Variants in APP observed in about 807,000 individuals in gnomAD.
The protein encoded by APP is amyloid-beta precursor protein.
APP carries 31 observed loss-of-function variants against 101.4 expected under a neutral mutation model. The observed-to-expected ratio is 0.31, with a 90% CI of 0.23 to 0.41. The LOEUF is 0.41. Ranked by LOEUF, APP falls within the 10% of genes least tolerant of loss-of-function variation. The pLI, the probability that APP is intolerant of heterozygous loss-of-function variation, is 1.00. For synonymous variants in APP, 366 were observed against 364.4 expected (o/e 1.00, Z -0.05); for missense variants, 839 against 1,003.7 (o/e 0.84, Z 2.22).
At chr21:26,134,484 A>G (rs2062855318) in intron 1 of APP, among the ~76,000 whole-genome samples, 1 of 152,194 alleles carries the variant, frequency 6.6e-6, no homozygotes, top group Admixed American at 6.5e-5. Flanking sequence ...AGGATATTAC[A>G]AAGGACACAC....
intron 8 of APP, among the ~76,000 whole-genome samples, chr21:25,987,963 T>G (rs1300473410): frequency 1.3e-5 from 2 of 152,084 alleles, no homozygotes; most frequent in East Asian, 3.9e-4. Flanking sequence ...TGTTAATATG[T>G]GATTTGTATT....
chr21:26,095,215 G>C (rs917533219), intron 2 of APP, among the ~76,000 whole-genome samples: 8 of 152,282 alleles, frequency 5.3e-5, no homozygotes, highest in Admixed American at 4.6e-4. Flanking sequence ...CTGGCCTCAA[G>C]AGATCCTCCT....
intron 15 of APP, among the ~76,000 whole-genome samples, chr21:25,899,090 G>A (rs192788801): frequency 4.2e-4 from 64 of 152,266 alleles, no homozygotes; most frequent in Admixed American, 2.2e-3. Context: ...TATTTGAAAA[G>A]AGACCCACAA....
At chr21:25,959,295 T>C (rs1313103774) in intron 11 of APP, among the ~76,000 whole-genome samples, 2 of 152,060 alleles carry the variant, frequency 1.3e-5, no homozygotes, top group African/African-American at 4.8e-5. Context: ...TAGCAAGGCA[T>C]GGTGGTGGGC....
chr21:26,142,262 T>C (rs1212232480), intron 1 of APP, among the ~76,000 whole-genome samples: 2 of 152,132 alleles, frequency 1.3e-5, no homozygotes, highest in Non-Finnish European at 2.9e-5. Flanking sequence ...TCTGAGCATG[T>C]TGTGGAACCA....
At chr21:26,055,850 T>C (rs905971291) in intron 3 of APP, among the ~76,000 whole-genome samples, 1 of 151,448 alleles carries the variant, frequency 6.6e-6, no homozygotes, top group Admixed American at 6.6e-5. Flanking sequence ...AGGTATCAGA[T>C]ACACTCGACC....
intron 1 of APP, among the ~76,000 whole-genome samples, chr21:26,149,329 C>A (rs1022071321): frequency 6.6e-6 from 1 of 152,204 alleles, no homozygotes; most frequent in Non-Finnish European, 1.5e-5. Flanking sequence ...ACAGTAGGTA[C>A]CTCACAGGCT....
intron 1 of APP, among the ~76,000 whole-genome samples, chr21:26,154,524 C>A (rs1040166173): frequency 6.6e-6 from 1 of 152,110 alleles, no homozygotes; most frequent in African/African-American, 2.4e-5. Flanking sequence ...TTCATCCTAC[C>A]CCACAAGTTT....
intron 13 of APP, among the ~76,000 whole-genome samples, chr21:25,939,240 G>A (rs1184093336): frequency 6.6e-6 from 1 of 152,168 alleles, no homozygotes; most frequent in African/African-American, 2.4e-5. Flanking sequence ...TACAGAACAT[G>A]GGAAGGAAGC....
At chr21:25,986,621 A>C (rs1568811576) in intron 8 of APP, among the ~76,000 whole-genome samples, 1 of 151,990 alleles carries the variant, frequency 6.6e-6, no homozygotes, top group African/African-American at 2.4e-5. Context: ...AATCGCTTGA[A>C]CCTGGGAGGC....
At chr21:26,024,181 A>G (rs2044468167) in intron 5 of APP, among the ~76,000 whole-genome samples, 1 of 152,172 alleles carries the variant, frequency 6.6e-6, no homozygotes, top group South Asian at 2.1e-4. Context: ...TCACAAAACC[A>G]ATACAGGAGA....
intron 1 of APP, among the ~76,000 whole-genome samples, chr21:26,156,948 A>T (rs1031745037): frequency 2.6e-5 from 4 of 152,242 alleles, no homozygotes; most frequent in African/African-American, 9.6e-5. Flanking sequence ...ATAAATTAAC[A>T]ACTATTTGAG....
chr21:25,933,503 C>G (rs560268861), intron 13 of APP, among the ~76,000 whole-genome samples: 3 of 152,290 alleles, frequency 2.0e-5, no homozygotes, highest in African/African-American at 7.2e-5. Context: ...TAATTAAATA[C>G]TAGGTCTTGC....
intron 11 of APP, among the ~76,000 whole-genome samples, chr21:25,960,277 C>A (rs1358097989): frequency 2.7e-5 from 4 of 150,412 alleles, no homozygotes; most frequent in Non-Finnish European, 6.0e-5. Flanking sequence ...CTAAATGGGT[C>A]TAGGTGCTGG....
intron 3 of APP, among the ~76,000 whole-genome samples, chr21:26,059,613 G>C (rs1650826643): frequency 6.6e-6 from 1 of 152,126 alleles, no homozygotes; most frequent in African/African-American, 2.4e-5. Context: ...GGCAAGGGCC[G>C]GGCACAGTGG....
chr21:25,932,210 G>A (rs1409024426), intron 13 of APP, among the ~76,000 whole-genome samples: 1 of 152,164 alleles, frequency 6.6e-6, no homozygotes, highest in Non-Finnish European at 1.5e-5. Flanking sequence ...ATAATAAAAT[G>A]CAACTTCATC....
intron 1 of APP, among the ~76,000 whole-genome samples, chr21:26,156,313 ATTTG>A (rs1278528746): frequency 6.6e-6 from 1 of 152,244 alleles, no homozygotes; most frequent in African/African-American, 2.4e-5. Flanking sequence ...ATCTGTATCA[ATTTG>A]TTTAATATAT....
chr21:26,021,762 A>C lies in APP; in HGVS notation c.865+78T>G, dbSNP rs544174008. On this transcript the variant is annotated intron_variant, in intron 6 of 17. Transcript: ENST00000346798. Reference sequence around the variant, plus strand: ...TTTGATTGGGGAAGGCAGTGGTGCTAGGGTGGATATTTCCAACTCTGGTAT... The same window carrying C: ...TTTGATTGGGGAAGGCAGTGGTGCTCGGGTGGATATTTCCAACTCTGGTAT... The C allele has an allele frequency of 1.5e-5, 23 of 1,570,074 alleles. No homozygotes were observed. In the South Asian group the frequency reaches 2.6e-4, roughly 17 times the overall value.
At chr21:26,126,179 T>C (rs1254838934) in intron 1 of APP, among the ~76,000 whole-genome samples, 1 of 152,234 alleles carries the variant, frequency 6.6e-6, no homozygotes, top group African/African-American at 2.4e-5. Flanking sequence ...ACAACTGTGA[T>C]CGCAAAACAG....
Sources: allele counts gnomAD v4.1 joint callset (sites outside exome capture counted in the v4.1 genomes callset), GRCh38; gene constraint gnomAD v4.1.1; transcripts MANE v1.5; gene names NCBI Gene and HGNC (gene_info 2026-07-23, HGNC 2026-07-21).